The following NTM variants were observed in gnomAD, a reference collection of about 807,000 sequenced individuals.
NTM encodes neurotrimin, also known as IgLON family member 2.
Under a neutral mutation model 42.1 loss-of-function variants are expected in NTM, and 13 were observed. The observed-to-expected ratio is 0.31, with a 90% CI of 0.20 to 0.49. The LOEUF (loss-of-function observed/expected upper bound fraction) is 0.49. NTM is among the 20% of genes least tolerant of loss of function. The probability of loss-of-function intolerance (pLI) is 0.99; values close to 1 mark genes in which losing one functional copy is unlikely to be tolerated. For synonymous variants in NTM, 187 were observed against 179.2 expected, an observed-to-expected ratio of 1.04 and a Z score of -0.35; for missense variants, 373 against 452.8, an observed-to-expected ratio of 0.82 and a Z score of 1.60.
intron 1 of NTM, among the ~76,000 whole-genome samples, chr11:131,462,416 A>C (rs1031121916): frequency 6.6e-5 from 10 of 152,234 alleles, no homozygotes; most frequent in Non-Finnish European, 1.5e-4. Context: ...TTTAAAAAAC[A>C]AACAGTGACC....
chr11:131,371,125 C>T, intron 1 of NTM: 2 of 984,344 alleles, frequency 2.0e-6, no homozygotes, highest in Non-Finnish European at 2.4e-6. Flanking sequence ...GTGTTTGGTG[C>T]TCCTGTTAGG....
At chr11:131,449,876 G>A (rs1565512633) in intron 1 of NTM, among the ~76,000 whole-genome samples, 1 of 152,134 alleles carries the variant, frequency 6.6e-6, no homozygotes, top group African/African-American at 2.4e-5. Flanking sequence ...TGAAAACTGG[G>A]TGAGTCAAGA....
intron 2 of NTM, among the ~76,000 whole-genome samples, chr11:132,104,423 A>G (rs2062011006): frequency 6.6e-6 from 1 of 151,952 alleles, no homozygotes; most frequent in Non-Finnish European, 1.5e-5. Context: ...TATCTTATAA[A>G]GTAGTAAAAG....
At chr11:131,596,613 G>A (rs1014197255) in intron 1 of NTM, among the ~76,000 whole-genome samples, 33 of 152,188 alleles carry the variant, frequency 2.2e-4, no homozygotes, top group Admixed American at 1.8e-3. Flanking sequence ...TTTAGGGTTC[G>A]GGTAAATCTG....
intron 3 of NTM, among the ~76,000 whole-genome samples, chr11:132,151,385 A>C (rs60753248): frequency 1.3e-5 from 2 of 152,200 alleles, no homozygotes; most frequent in Non-Finnish European, 2.9e-5. Flanking sequence ...GAGTGTTAAG[A>C]AAGGTCCTCC....
At chr11:131,898,918 G>T (rs952549271) in intron 1 of NTM, among the ~76,000 whole-genome samples, 5 of 152,136 alleles carry the variant, frequency 3.3e-5, no homozygotes, top group East Asian at 1.9e-4. Flanking sequence ...ATGATCTATT[G>T]CTTGGGATGA....
chr11:132,073,829 G>C (rs1041582841), intron 2 of NTM, among the ~76,000 whole-genome samples: 3 of 152,058 alleles, frequency 2.0e-5, no homozygotes, highest in Non-Finnish European at 4.4e-5. Context: ...TGACTCTTTA[G>C]TTCTATCCCA....
intron 2 of NTM, among the ~76,000 whole-genome samples, chr11:132,129,874 C>A (rs545526518): frequency 2.0e-5 from 3 of 152,318 alleles, no homozygotes; most frequent in Admixed American, 6.5e-5. Context: ...CAATTCTCTT[C>A]CCCTTTTTCA....
intron 1 of NTM, among the ~76,000 whole-genome samples, chr11:131,459,639 G>A (rs1209946199): frequency 6.6e-6 from 1 of 152,190 alleles, no homozygotes; most frequent in African/African-American, 2.4e-5. Flanking sequence ...TACTTGTGAA[G>A]AAATTTAGTA....
At chr11:131,606,850 A>G (rs147326458) in intron 1 of NTM, among the ~76,000 whole-genome samples, 1,969 of 152,300 alleles carry the variant, frequency 0.013, 44 homozygotes, top group African/African-American at 0.046. Context: ...GCACAAAAAA[A>G]AGAGGCCGTG....
chr11:131,696,557 G>A lies in NTM; in HGVS notation c.83-215007G>A, dbSNP rs151176340. Reference sequence around the variant, plus strand: ...CTTTCTCTATTAGTCCTTTTCTTTCGTACACCCTGTAGCTAAGTGACCCTC... The same window carrying A: ...CTTTCTCTATTAGTCCTTTTCTTTCATACACCCTGTAGCTAAGTGACCCTC... On this transcript the variant is annotated intron_variant, in intron 1 of 8. Transcript: ENST00000683400. 1.9e-3 allele frequency among the ~76,000 whole-genome samples: 281 copies of A among 151,872 alleles called. 1 individual carries two copies. Among genetic ancestry groups the A allele is most frequent in the Admixed American group, 5.2e-3 (79 of 15,254 alleles).
At chr11:132,277,508 T>C (rs2093775671) in intron 4 of NTM, among the ~76,000 whole-genome samples, 1 of 152,208 alleles carries the variant, frequency 6.6e-6, no homozygotes, top group Non-Finnish European at 1.5e-5. Flanking sequence ...TTTCTTCTTT[T>C]CCCTTATATA....
intron 1 of NTM, among the ~76,000 whole-genome samples, chr11:131,726,112 G>GA (rs1200137386): frequency 6.6e-6 from 1 of 152,128 alleles, no homozygotes; most frequent in East Asian, 1.9e-4. Flanking sequence ...TTTTGAACAG[G>GA]AAAAAATTAC....
chr11:132,071,445 A>T (rs2057659773), intron 2 of NTM, among the ~76,000 whole-genome samples: 1 of 152,258 alleles, frequency 6.6e-6, no homozygotes, highest in African/African-American at 2.4e-5. Flanking sequence ...GCTTGCCTGT[A>T]TTAAGCCCTT....
intron 1 of NTM, among the ~76,000 whole-genome samples, chr11:131,650,626 C>CCAT (rs986069318): frequency 6.6e-5 from 10 of 152,078 alleles, no homozygotes; most frequent in African/African-American, 2.4e-4. Flanking sequence ...CAATAAACAG[C>CCAT]CATCATCATC....
intron 4 of NTM, among the ~76,000 whole-genome samples, chr11:132,249,530 TC>T (rs1426084220): frequency 1.3e-5 from 2 of 152,212 alleles, no homozygotes; most frequent in African/African-American, 4.8e-5. Context: ...AGGAGGAAAT[TC>T]CTGGAGAAAT....
At chr11:131,582,990 G>C (rs746410500) in intron 1 of NTM, among the ~76,000 whole-genome samples, 6 of 152,180 alleles carry the variant, frequency 3.9e-5, no homozygotes, top group Non-Finnish European at 5.9e-5. Context: ...TCTGTAGGAC[G>C]ATGGCTCCGA....
intron 1 of NTM, among the ~76,000 whole-genome samples, chr11:131,833,282 C>A (rs7104701): frequency 0.61 from 92,928 of 152,052 alleles, 28,758 homozygotes; most frequent in Admixed American, 0.7. Flanking sequence ...TAGCTTTGTC[C>A]TTGTGATTAA....
chr11:132,319,195 C>T (rs371880097), intron 7 of NTM, among the ~76,000 whole-genome samples: 17 of 152,276 alleles, frequency 1.1e-4, no homozygotes, highest in East Asian at 3.9e-4. Context: ...GTGTGAGCGA[C>T]GCAAAAGACA....
Sources: gnomAD v4.1 joint callset for allele counts (sites outside exome capture counted in the v4.1 genomes callset) on GRCh38, gnomAD v4.1.1 for gene constraint, MANE v1.5 for transcripts, NCBI Gene and HGNC (gene_info 2026-07-23, HGNC 2026-07-21) for gene names.